Variants in CACNA2D3 observed in about 807,000 individuals in gnomAD.
CACNA2D3 encodes voltage-dependent calcium channel subunit alpha-2/delta-3.
A neutral mutation model predicts 160.6 loss-of-function variants in CACNA2D3; 60 were observed. That is an observed-to-expected ratio of 0.37 (90% CI 0.30 to 0.46). The LOEUF (loss-of-function observed/expected upper bound fraction) is 0.46, where lower values mean the gene tolerates loss of function less well. Ranked by LOEUF, CACNA2D3 falls within the 20% of genes least tolerant of loss-of-function variation. The pLI, the probability that CACNA2D3 is intolerant of heterozygous loss-of-function variation, is 1.00. For synonymous variants in CACNA2D3, 558 were observed against 492.9 expected, an observed-to-expected ratio of 1.13 and a Z score of -1.75; for missense variants, 1,205 against 1,365.0, an observed-to-expected ratio of 0.88 and a Z score of 1.85.
intron 14 of CACNA2D3, among the ~76,000 whole-genome samples, chr3:54,836,664 A>G (rs1045528985): frequency 2.6e-5 from 4 of 152,176 alleles, no homozygotes; most frequent in Non-Finnish European, 5.9e-5. Flanking sequence ...TCAGAGACCC[A>G]GAGAGGTAAA....
intron 4 of CACNA2D3, among the ~76,000 whole-genome samples, chr3:54,443,944 C>G (rs1315846902): frequency 1.3e-5 from 2 of 152,124 alleles, no homozygotes; most frequent in Non-Finnish European, 2.9e-5. Flanking sequence ...CTCTGATTCT[C>G]TTTGCTTCTG....
At chr3:54,254,856 G>C (rs1702264393) in intron 2 of CACNA2D3, among the ~76,000 whole-genome samples, 1 of 152,198 alleles carries the variant, frequency 6.6e-6, no homozygotes, top group Admixed American at 6.5e-5. Context: ...GTCCTTACCT[G>C]CAATGTGGAG....
intron 11 of CACNA2D3, among the ~76,000 whole-genome samples, chr3:54,728,410 G>A (rs535279315): frequency 6.6e-6 from 1 of 151,956 alleles, no homozygotes; most frequent in Admixed American, 6.6e-5. Flanking sequence ...TCAATTCTAG[G>A]AATTTCATAC....
rs1698795898 is a variant in CACNA2D3 at position 54,613,916 on chromosome 3, TA to T, written c.964-13870del. On this transcript the variant is annotated intron_variant, in intron 9 of 37. Coordinates refer to ENST00000474759, the MANE Select transcript of CACNA2D3 (RefSeq NM_018398.3). ...CTCCTTTAGTGCCTCTGTTTTATAC[TA>T]CGAAATACACTACCAAATCACCATG... Among the ~76,000 whole-genome samples, 3 of 152,168 alleles carry T rather than the reference TA, an allele frequency of 2.0e-5. No individual in the cohort carries two copies. In the South Asian group the frequency reaches 6.2e-4, roughly 31 times the overall value.
intron 2 of CACNA2D3, among the ~76,000 whole-genome samples, chr3:54,181,943 A>G (rs1700791770): frequency 6.6e-6 from 1 of 152,152 alleles, no homozygotes; most frequent in Admixed American, 6.5e-5. Context: ...AATTATATTT[A>G]TAATGGTTTG....
chr3:54,893,277 A>G (rs1340151453), intron 25 of CACNA2D3, among the ~76,000 whole-genome samples: 1 of 149,596 alleles, frequency 6.7e-6, no homozygotes, highest in Non-Finnish European at 1.5e-5. Flanking sequence ...CTCTGTCTCA[A>G]AAAAACTCTT....
intron 11 of CACNA2D3, among the ~76,000 whole-genome samples, chr3:54,710,969 T>A (rs1228467424): frequency 6.6e-6 from 1 of 152,188 alleles, no homozygotes; most frequent in Non-Finnish European, 1.5e-5. Context: ...ACAACCAGTG[T>A]CACTGTCATT....
At chr3:54,971,557 C>T (rs944637911) in intron 29 of CACNA2D3, among the ~76,000 whole-genome samples, 4 of 152,044 alleles carry the variant, frequency 2.6e-5, no homozygotes, top group Non-Finnish European at 5.9e-5. Context: ...TGGTTGGTTA[C>T]GTAGTTGGTC....
At chr3:54,568,837 A>C (rs1418008059) in intron 6 of CACNA2D3, among the ~76,000 whole-genome samples, 3 of 152,176 alleles carry the variant, frequency 2.0e-5, no homozygotes, top group Non-Finnish European at 2.9e-5. Context: ...TCTGTGTGAT[A>C]ATTTGGGGAT....
intron 2 of CACNA2D3, among the ~76,000 whole-genome samples, chr3:54,304,733 G>A (rs1202873927): frequency 2.0e-5 from 3 of 152,168 alleles, no homozygotes; most frequent in African/African-American, 7.2e-5. Context: ...GAATGAGCCT[G>A]CCTGGATTTG....
At chr3:54,191,465 G>A (rs1000804086) in intron 2 of CACNA2D3, among the ~76,000 whole-genome samples, 1 of 151,244 alleles carries the variant, frequency 6.6e-6, no homozygotes, top group African/African-American at 2.4e-5. Context: ...AGTTTCATAC[G>A]CATGCTGAGC....
chr3:54,594,084 A>G (rs917796431), intron 9 of CACNA2D3, among the ~76,000 whole-genome samples: 3 of 152,260 alleles, frequency 2.0e-5, no homozygotes, highest in African/African-American at 4.8e-5. Context: ...GGTTAAAACC[A>G]TTAATATGAT....
intron 11 of CACNA2D3, among the ~76,000 whole-genome samples, chr3:54,736,600 AAAAC>A (rs1701536840): frequency 6.6e-6 from 1 of 152,200 alleles, no homozygotes; most frequent in Non-Finnish European, 1.5e-5. Flanking sequence ...TGATAGGCAA[AAAAC>A]AAACAAAAAT....
At chr3:54,542,204 G>GGC (rs1701991976) in intron 5 of CACNA2D3, among the ~76,000 whole-genome samples, 1 of 151,904 alleles carries the variant, frequency 6.6e-6, no homozygotes, top group Non-Finnish European at 1.5e-5. Context: ...TGGGATTACA[G>GGC]GCACGTACCA....
At chr3:54,898,162 CTTTCTTTTCTTTTCTTTTCT>C (rs10530912) in intron 26 of CACNA2D3, among the ~76,000 whole-genome samples, 13,062 of 119,072 alleles carry the variant, frequency 0.11, 662 homozygotes, top group Non-Finnish European at 0.12. Flanking sequence ...CTTTCTTTAT[CTTTCTTTTCTTTTCTTTTCT>C]TTTCTTTTCT....
intron 4 of CACNA2D3, among the ~76,000 whole-genome samples, chr3:54,428,799 G>A (rs1699946048): frequency 1.3e-5 from 2 of 152,078 alleles, no homozygotes; most frequent in South Asian, 4.1e-4. Context: ...TCATTTCCTT[G>A]ATGCATTGGG....
At chr3:55,067,181 T>C (rs1704668954) in intron 35 of CACNA2D3, among the ~76,000 whole-genome samples, 1 of 151,820 alleles carries the variant, frequency 6.6e-6, no homozygotes, top group African/African-American at 2.4e-5. Context: ...AGAAGGAAAG[T>C]TGGCTGTGGG....
chr3:54,679,758 G>C (rs1245072116), intron 11 of CACNA2D3, among the ~76,000 whole-genome samples: 1 of 152,254 alleles, frequency 6.6e-6, no homozygotes, highest in Admixed American at 6.5e-5. Flanking sequence ...TCAGTGTTGA[G>C]TAGGTGAATA....
chr3:54,544,656 C>T (rs951649227), intron 5 of CACNA2D3, among the ~76,000 whole-genome samples: 3 of 152,122 alleles, frequency 2.0e-5, no homozygotes, highest in African/African-American at 7.2e-5. Flanking sequence ...TCTCAGCCTC[C>T]CAAAGCATTT....
Sources: gnomAD v4.1 joint callset for allele counts (sites outside exome capture counted in the v4.1 genomes callset) on GRCh38, gnomAD v4.1.1 for gene constraint, MANE v1.5 for transcripts, NCBI Gene and HGNC (gene_info 2026-07-23, HGNC 2026-07-21) for gene names.